The following CBFA2T3 variants were observed in gnomAD, a reference collection of about 807,000 sequenced individuals.
CBFA2T3 encodes the protein CBFA2/RUNX1 partner transcriptional co-repressor 3, also known as transcriptional corepressor CBFA2T3.
A neutral mutation model predicts 58.6 loss-of-function variants in CBFA2T3; 31 were observed. The ratio of observed to expected loss-of-function variants is 0.53; its 90% CI spans 0.40 to 0.71. CBFA2T3 has a LOEUF of 0.71. Ranked by LOEUF, CBFA2T3 falls within the 30% of genes least tolerant of loss-of-function variation. The pLI is 0.00. For synonymous variants in CBFA2T3, 531 were observed against 421.9 expected (o/e 1.26, Z -3.17); for missense variants, 1,076 against 963.1 (o/e 1.12, Z -1.55).
intron 1 of CBFA2T3, chr16:88,902,472 C>T (rs1466644727): frequency 6.6e-6 from 1 of 152,328 alleles, no homozygotes; most frequent in Admixed American, 6.5e-5. Context: ...CACCCAGGGC[C>T]AGCTGTGTCC....
At chr16:88,911,985 G>C (rs142284376) in intron 1 of CBFA2T3, among the ~76,000 whole-genome samples, 2 of 152,376 alleles carry the variant, frequency 1.3e-5, no homozygotes, top group Non-Finnish European at 2.9e-5. Flanking sequence ...CAGGTACCCA[G>C]GGCATGCCTT....
rs574588903 is a variant in CBFA2T3 at position 88,906,872 on chromosome 16, C to G, written c.152-5216G>C. Among the ~76,000 whole-genome samples, 4 of 152,362 alleles carry G rather than the reference C, an allele frequency of 2.6e-5. No homozygotes were observed. In the East Asian group the frequency reaches 5.8e-4, roughly 22 times the overall value. ...CAGCCTGGACCCTGACTCAGCCTTG[C>G]TGGGACAGCCCAGGCATCCAGCCCC... On this transcript the variant is annotated intron_variant, in intron 1 of 11. Transcript: ENST00000268679.
chr16:88,973,063 CAG>C (rs1301929632), intron 1 of CBFA2T3, among the ~76,000 whole-genome samples: 1 of 152,234 alleles, frequency 6.6e-6, no homozygotes. Context: ...CCAGCAGACA[CAG>C]GGCCTGCGGC....
chr16:88,877,019 C>A lies in CBFA2T3; in HGVS notation c.1919G>T (p.Gly640Val). 3 of 1,479,844 alleles carry A rather than the reference C, an allele frequency of 2.0e-6. 1 individual carries two copies. The South Asian group carries it at 4.0e-5, about 20-fold the overall frequency. 91.7% of individuals were successfully genotyped at this position (1,479,844 alleles called of 1,614,324 possible). A position where few individuals can be genotyped will look rare whatever the true frequency, so the allele number is the denominator to read the frequency against. ...EAGSAGPSRP[G>V]SPSPPGPLDT... ...CAGTGGGCCAGGTGGGCTGGGGGAG[C>A]CGGGGCGAGAAGGCCCCGCAGAGCC... Residue 640 changes from glycine (G) to valine (V), a missense_variant, in exon 12 of 12, where the codon GGC becomes GTC. Physicochemically the swap from Gly to Val is moderately radical, Grantham distance 109. Coordinates refer to ENST00000268679, the MANE Select transcript of CBFA2T3 (RefSeq NM_005187.6).
At chr16:88,920,742 C>T (rs1436637139) in intron 1 of CBFA2T3, among the ~76,000 whole-genome samples, 1 of 152,246 alleles carries the variant, frequency 6.6e-6, no homozygotes, top group Non-Finnish European at 1.5e-5. Flanking sequence ...CACCTGCCTG[C>T]TCCTGGATTC....
chr16:88,915,399 G>GGAGTGTGGAGAGGA lies in CBFA2T3; in HGVS notation c.152-13744_152-13743insTCCTCTCCACACTC, dbSNP rs1212647763. 6.1e-3 allele frequency among the ~76,000 whole-genome samples: 476 copies of GGAGTGTGGAGAGGA among 77,534 alleles called. 22 individuals are homozygous for GGAGTGTGGAGAGGA. The highest frequency in any genetic ancestry group is 0.018 in the African/African-American group (262 of 14,642). 50.9% of individuals were successfully genotyped at this position (77,534 alleles called of 152,430 possible). ...GAGCTCCACAAGCAGCATGGAGGGG[G>GGAGTGTGGAGAGGA]GAGCGTGGAGGGGGGAGCGTGGACG... On this transcript the variant is annotated intron_variant, in intron 1 of 11. Transcript: ENST00000268679.
chr16:88,958,103 C>T lies in CBFA2T3; in HGVS notation c.151+18554G>A, dbSNP rs147126635. On this transcript the variant is annotated intron_variant, in intron 1 of 11. Coordinates refer to ENST00000268679, the MANE Select transcript of CBFA2T3 (RefSeq NM_005187.6). This position sits in a 1 kb window ranked among gnomAD's most constrained non-coding sequence, Gnocchi z 4.0. Reference sequence around the variant, plus strand: ...CAGAGAGGCCACGGAACTTTGTCAGCGCACCAGGGCAGTAGCGGGATGGGT... The same window carrying T: ...CAGAGAGGCCACGGAACTTTGTCAGTGCACCAGGGCAGTAGCGGGATGGGT... Among the ~76,000 whole-genome samples, 997 of 152,264 alleles carry T rather than the reference C, an allele frequency of 6.5e-3. 12 individuals are homozygous for T. The highest frequency in any genetic ancestry group is 0.023 in the African/African-American group (943 of 41,542).
chr16:88,885,450 CCCCTCTGCCGGGGCCCATGCCAGCCTCAA>C lies in CBFA2T3; in HGVS notation c.894-210_894-182del, dbSNP rs1327917734. On this transcript the variant is annotated intron_variant, in intron 6 of 11. Coordinates refer to ENST00000268679, the MANE Select transcript of CBFA2T3 (RefSeq NM_005187.6). This position sits in a 1 kb window ranked among gnomAD's most constrained non-coding sequence, Gnocchi z 5.3. ...CCCAGCCCGGCGCCCCCACTCTCTG[CCCCTCTGCCGGGGCCCATGCCAGCCTCAA>C]CCCCTGCTCCAGCTGCATGGCATCC... Among the ~76,000 whole-genome samples, 1 of 152,070 alleles carries C rather than the reference CCCCTCTGCCGGGGCCCATGCCAGCCTCAA, an allele frequency of 6.6e-6. No homozygotes were observed. Among genetic ancestry groups the C allele is most frequent in the East Asian group, 1.9e-4 (1 of 5,194 alleles).
intron 3 of CBFA2T3, 33 bp from the exon 4 acceptor site, chr16:88,892,518 G>A (rs1198840680): frequency 6.8e-6 from 11 of 1,607,870 alleles, no homozygotes; most frequent in South Asian, 1.1e-5. Flanking sequence ...AGGACACAAA[G>A]GTGATGGTGA....
intron 9 of CBFA2T3, 183 bp from the exon 10 acceptor site, chr16:88,880,971 G>A: frequency 1.5e-6 from 1 of 674,970 alleles, no homozygotes; most frequent in Non-Finnish European, 2.6e-6. Context: ...GGCACGGGGG[G>A]CATTGGAGCT....
At chr16:88,964,970 A>G (rs147266373) in intron 1 of CBFA2T3, among the ~76,000 whole-genome samples, 1 of 148,058 alleles carries the variant, frequency 6.8e-6, no homozygotes, top group African/African-American at 2.5e-5. Flanking sequence ...CTATCCATCC[A>G]TCCACCTACC....
intron 7 of CBFA2T3, 56 bp from the exon 8 acceptor site, chr16:88,882,817 T>A (rs1969183458): frequency 8.2e-7 from 1 of 1,212,122 alleles, no homozygotes; most frequent in Non-Finnish European, 1.2e-6. Context: ...CTCTGCCCTA[T>A]TCTCCCAGAC....
At chr16:88,945,471 G>C (rs1450773416) in intron 1 of CBFA2T3, among the ~76,000 whole-genome samples, 1 of 152,140 alleles carries the variant, frequency 6.6e-6, no homozygotes, top group African/African-American at 2.4e-5. Context: ...CAAACCATAA[G>C]AAAACAAACA....
intron 1 of CBFA2T3, chr16:88,951,452 A>G (rs758810464): frequency 5.1e-5 from 20 of 388,766 alleles, no homozygotes; most frequent in Admixed American, 6.8e-5. Context: ...TGTTACCTGT[A>G]TGTTTGAATT....
intron 1 of CBFA2T3, among the ~76,000 whole-genome samples, chr16:88,943,323 C>T (rs1022138550): frequency 1.3e-5 from 2 of 152,226 alleles, no homozygotes; most frequent in Non-Finnish European, 2.9e-5. Flanking sequence ...TCCGTGGTCT[C>T]GGTTCTCTGG....
intron 1 of CBFA2T3, chr16:88,951,503 T>A (rs557307): frequency 2.7e-6 from 1 of 366,758 alleles, no homozygotes; most frequent in African/African-American, 2.1e-5. Flanking sequence ...TTTTTTAAAT[T>A]AAAAAATCAG....
At chr16:88,943,202 T>C (rs568034234) in intron 1 of CBFA2T3, among the ~76,000 whole-genome samples, 3 of 152,316 alleles carry the variant, frequency 2.0e-5, no homozygotes, top group Admixed American at 6.5e-5. Context: ...CTGAAGTCAG[T>C]CGGGTTGTGA....
intron 1 of CBFA2T3, among the ~76,000 whole-genome samples, chr16:88,906,156 G>A (rs906234337): frequency 1.3e-5 from 2 of 152,070 alleles, no homozygotes; most frequent in African/African-American, 2.4e-5. Flanking sequence ...GGGAGTCTCT[G>A]GAGCTCCCAC....
Position 88,885,115 on chromosome 16 carries a change from C to T in CBFA2T3, c.1048G>A (p.Ala350Thr), listed in dbSNP as rs777224110. Residue 350 changes from alanine (A) to threonine (T), a missense_variant, in exon 7 of 12, where the codon GCC (alanine) becomes ACC (threonine). Coordinates refer to ENST00000268679, the MANE Select transcript of CBFA2T3 (RefSeq NM_005187.6). The surrounding 1 kb of genome is among the most constrained non-coding windows in gnomAD (Gnocchi z 5.3). ...CGGTAGGCATCTCGGAAGTGGTGGG[C>T]CATGGCTATGTCCTCCAGGCGGTAG... ...PHYRLEDIAM[A>T]HHFRDAYRHP... The T allele has an allele frequency of 5.1e-5, 81 of 1,602,336 alleles. No homozygotes were observed. Among genetic ancestry groups the T allele is most frequent in the Non-Finnish European group, 6.8e-5 (80 of 1,177,180 alleles).
Sources: gnomAD v4.1 joint callset for allele counts (sites outside exome capture counted in the v4.1 genomes callset) on GRCh38, gnomAD v4.1.1 for gene constraint, Gnocchi (gnomAD v3.1) non-coding constraint, MANE v1.5 for transcripts, NCBI Gene and HGNC (gene_info 2026-07-23, HGNC 2026-07-21) for gene names.